RPL28: variants seen among roughly 807,000 people sequenced by gnomAD.
RPL28 encodes the protein large ribosomal subunit protein eL28.
A neutral mutation model predicts 12.5 loss-of-function variants in RPL28; 4 were observed. The observed-to-expected ratio is 0.32, with a 90% confidence interval of 0.16 to 0.73. The LOEUF (loss-of-function observed/expected upper bound fraction) is 0.73, where lower values mean the gene tolerates loss of function less well. Ranked by LOEUF, RPL28 falls within the 30% of genes least tolerant of loss-of-function variation. The probability of loss-of-function intolerance (pLI) is 0.66; values close to 1 mark genes in which losing one functional copy is unlikely to be tolerated. For synonymous variants in RPL28, 91 were observed against 72.5 expected (o/e 1.26, Z -1.30); for missense variants, 214 against 197.7 (o/e 1.08, Z -0.49).
chr19:55,385,953 G>A lies in RPL28; in HGVS notation c.-21G>A, dbSNP rs1349426634. 2.9e-5 allele frequency: 7 copies of A among 239,306 alleles called. No homozygotes were observed. Among genetic ancestry groups the A allele is most frequent in the Non-Finnish European group, 5.2e-5 (6 of 115,938 alleles). 14.8% of individuals were successfully genotyped at this position (239,306 alleles called of 1,614,324 possible). A position where few individuals can be genotyped will look rare whatever the true frequency, so the allele number is the denominator to read the frequency against. On this transcript the variant is annotated 5_prime_UTR_variant, in exon 1 of 5. Coordinates refer to ENST00000344063, the MANE Select transcript of RPL28 (RefSeq NM_000991.5). Reference sequence around the variant, plus strand: ...CTTCCTCTTTCCGTCTCAGGTCGCCGCTGCGAAGGGAGGTGAGCGTTCGTC... The same window carrying A: ...CTTCCTCTTTCCGTCTCAGGTCGCCACTGCGAAGGGAGGTGAGCGTTCGTC...
rs147316341 is a variant in RPL28, at chr19:55,402,173, G to A, written c.325-770G>A. On this transcript the variant is annotated intron_variant, in intron 4 of 4. Coordinates refer to the RPL28 transcript ENST00000560055. ...TTAGAGGCCCTCTGGTTCAACGAGT[G>A]AGGCCTGCAGCCTGGACAGAGAGAA... is the stretch of plus-strand genomic sequence containing the variant. Among the ~76,000 whole-genome samples, 8 of 152,354 alleles carry A rather than the reference G, an allele frequency of 5.3e-5. No individual in the cohort carries two copies. The East Asian group carries it at 1.5e-3, about 29-fold the overall frequency.
chr19:55,394,459 C>T (rs1438915811), downstream of RPL28, among the ~76,000 whole-genome samples: 1 of 151,890 alleles, frequency 6.6e-6, no homozygotes, highest in African/African-American at 2.4e-5. Context: ...CAAGGTCTCA[C>T]TGTGTTACCC....
At position 55,391,938 on chromosome 19, in the gene RPL28, C is replaced by T. The variant is rs2089993980; in HGVS notation, c.*3606C>T. ...CCCCGCCGTCCTGTGGGGCTGTGAG[C>T]TTTCCCAGCCTCCTGCCCGTGTTTG... On this transcript the variant is annotated 3_prime_UTR_variant, in exon 5 of 5. Transcript: ENST00000344063. 8.0e-7 allele frequency: 1 copy of T among 1,255,902 alleles called. No homozygotes were observed. Among genetic ancestry groups the T allele is most frequent in the Non-Finnish European group, 1.0e-6 (1 of 994,958 alleles). The allele number at this position is 1,255,902 out of a possible 1,614,324, so 77.8% of individuals were successfully genotyped here. A position where few individuals can be genotyped will look rare whatever the true frequency, so the allele number is the denominator to read the frequency against.
Position 55,388,298 on chromosome 19 carries a change from AGAG to A in RPL28, c.383_385del (p.Arg128del). 2 of 1,584,336 alleles carry A rather than the reference AGAG, an allele frequency of 1.3e-6. No individual in the cohort carries two copies. Among genetic ancestry groups the A allele is most frequent in the South Asian group, 2.3e-5 (2 of 87,692 alleles). ...CGCAGCCAGAAGCCTGTGATGGTGA[AGAG>A]GAAGCGGACCCGCCCCACCAAGAGC... On this transcript the variant is annotated inframe_deletion, in exon 5 of 5. Transcript: ENST00000344063.
rs895758656 is a variant in RPL28, at chr19:55,388,960, C to T, written c.*628C>T. 3.0e-6 allele frequency: 3 copies of T among 985,448 alleles called. No homozygotes were observed. The highest frequency in any genetic ancestry group is 3.5e-5 in the African/African-American group (2 of 57,336). The allele number at this position is 985,448 out of a possible 1,614,324, so 61.0% of individuals were successfully genotyped here. A position where few individuals can be genotyped will look rare whatever the true frequency, so the allele number is the denominator to read the frequency against. ...AGGCATTGAGCAGCCTTAGCATTGT[C>T]CCCCTACTCCCGTCCTCCAGGTGTC... On this transcript the variant is annotated 3_prime_UTR_variant, in exon 5 of 5. Coordinates refer to ENST00000344063, the MANE Select transcript of RPL28 (RefSeq NM_000991.5).
Position 55,386,351 on chromosome 19 carries a change from C to T in RPL28, c.-7C>T, listed in dbSNP as rs959181187. On this transcript the variant is annotated splice_region_variant and 5_prime_UTR_variant, in exon 2 of 5. Coordinates refer to ENST00000344063, the MANE Select transcript of RPL28 (RefSeq NM_000991.5). ...TTCCCTGTGCCCGTTTCCCCGCAGC[C>T]GCCGCCATGTCTGCGCATCTGCAAT... is the stretch of plus-strand genomic sequence containing the variant. 8.1e-6 allele frequency: 13 copies of T among 1,613,488 alleles called. No homozygotes were observed. Among genetic ancestry groups the T allele is most frequent in the Admixed American group, 6.7e-5 (4 of 59,964 alleles).
chr19:55,386,206 C>T (rs1263866620), intron 1 of RPL28, 144 bp from the exon 2 acceptor site: 2 of 720,722 alleles, frequency 2.8e-6, no homozygotes, highest in East Asian at 2.7e-5. Context: ...GACAAGAGTT[C>T]TAGGTCGCTG....
chr19:55,401,786 C>G, intron 4 of RPL28: 2 of 1,612,572 alleles, frequency 1.2e-6, no homozygotes, highest in Admixed American at 3.3e-5. Flanking sequence ...CTCAGGGTCA[C>G]AGTGGGTCGG....
rs887501768 is a variant in RPL28 at position 55,387,723 on chromosome 19, A to G, written c.206-207A>G. ...GACAGAATTGGGCTATGAGTGTGGCAGAAGCTGTGTCCTCAGTACTCCGTG... is the reference window on the plus strand; with the variant it reads ...GACAGAATTGGGCTATGAGTGTGGCGGAAGCTGTGTCCTCAGTACTCCGTG... On this transcript the variant is annotated intron_variant, in intron 3 of 4. Coordinates refer to ENST00000344063, the MANE Select transcript of RPL28 (RefSeq NM_000991.5). 5 of 1,424,256 alleles carry G rather than the reference A, an allele frequency of 3.5e-6. No individual in the cohort carries two copies. In the African/African-American group the frequency reaches 7.2e-5, roughly 20 times the overall value. 88.2% of individuals were successfully genotyped at this position (1,424,256 alleles called of 1,614,324 possible). A position where few individuals can be genotyped will look rare whatever the true frequency, so the allele number is the denominator to read the frequency against.
intron 3 of RPL28, chr19:55,387,594 G>A (rs1401696364): frequency 2.8e-6 from 4 of 1,406,052 alleles, no homozygotes; most frequent in Non-Finnish European, 2.8e-6. Context: ...TTCCTGGGAA[G>A]CTGTTCATAC....
chr19:55,392,170 G>T (rs201323227), downstream of RPL28: 199 of 960,878 alleles, frequency 2.1e-4, no homozygotes, highest in East Asian at 3.1e-3. Flanking sequence ...CAGAATCCCA[G>T]CCCCTAAGTT....
intron 3 of RPL28, 121 bp downstream of exon 3, chr19:55,386,814 G>A (rs2089934155): frequency 6.3e-7 from 1 of 1,598,426 alleles, no homozygotes; most frequent in Non-Finnish European, 8.5e-7. Flanking sequence ...CTGGCGCCAG[G>A]GTGTTGGTCT....
chr19:55,389,628 GCCCTTCCGA>G lies in RPL28; in HGVS notation c.*1299_*1307del, dbSNP rs2089970894. On this transcript the variant is annotated 3_prime_UTR_variant, in exon 5 of 5. Coordinates refer to ENST00000344063, the MANE Select transcript of RPL28 (RefSeq NM_000991.5). ...GCCCTGCGTTTTGAGGCAGACCACT[GCCCTTCCGA>G]CCTCAGTCCTGTCTGCTCCAGTCTT... 1 of 985,444 alleles carries G rather than the reference GCCCTTCCGA, an allele frequency of 1.0e-6. No individual in the cohort carries two copies. Among genetic ancestry groups the G allele is most frequent in the African/African-American group, 1.7e-5 (1 of 57,254 alleles). The allele number at this position is 985,444 out of a possible 1,614,324, so 61.0% of individuals were successfully genotyped here. A position where few individuals can be genotyped will look rare whatever the true frequency, so the allele number is the denominator to read the frequency against.
chr19:55,387,994 C>T lies in RPL28; in HGVS notation c.270C>T (p.Leu90=), dbSNP rs114248857. The change falls in exon 4 of 5, where the codon CTC becomes CTT. Residue 90 remains leucine (L), a synonymous_variant. Transcript: ENST00000344063. ...TTINKNARAT[L]SSIRHMIRKN... ...TCAACAAGAATGCTCGCGCCACGCTCAGCAGCATCAGACACATGATCCGCA... is the reference window on the plus strand; with the variant it reads ...TCAACAAGAATGCTCGCGCCACGCTTAGCAGCATCAGACACATGATCCGCA... 1,048 of 1,612,502 alleles carry T rather than the reference C, an allele frequency of 6.5e-4. 1 individual carries two copies. In the African/African-American group the frequency reaches 0.012, roughly 19 times the overall value.
At chr19:55,397,910 G>A (rs956088925) in intron 4 of RPL28, among the ~76,000 whole-genome samples, 10 of 152,012 alleles carry the variant, frequency 6.6e-5, no homozygotes, top group Non-Finnish European at 1.5e-4. Context: ...AAATGGGAAT[G>A]TGAGGTTGGG....
chr19:55,401,262 G>A (rs577897404), intron 4 of RPL28: 1 of 766,074 alleles, frequency 1.3e-6, no homozygotes. Context: ...CGGTCCTGGG[G>A]CATCTGTGAG....
At chr19:55,398,658 T>C (rs2090038021) in intron 4 of RPL28, among the ~76,000 whole-genome samples, 1 of 152,200 alleles carries the variant, frequency 6.6e-6, no homozygotes, top group African/African-American at 2.4e-5. Context: ...TTTTTTCTTA[T>C]TCGTTTGTAG....
chr19:55,387,539 C>T (rs2089944542), intron 3 of RPL28: 4 of 1,431,778 alleles, frequency 2.8e-6, no homozygotes, highest in Non-Finnish European at 2.7e-6. Context: ...CTGGGCCTCT[C>T]AGCCAAGCTG....
chr19:55,391,432 A>T lies in RPL28; in HGVS notation c.*3100A>T. The T allele has an allele frequency of 6.8e-6, 9 of 1,319,264 alleles. No homozygotes were observed. Among genetic ancestry groups the T allele is most frequent in the Non-Finnish European group, 8.7e-6 (9 of 1,028,744 alleles). The allele number at this position is 1,319,264 out of a possible 1,614,324, so 81.7% of individuals were successfully genotyped here. A position where few individuals can be genotyped will look rare whatever the true frequency, so the allele number is the denominator to read the frequency against. On this transcript the variant is annotated 3_prime_UTR_variant, in exon 5 of 5. Coordinates refer to ENST00000344063, the MANE Select transcript of RPL28 (RefSeq NM_000991.5). Reference sequence around the variant, plus strand: ...CTCCAGCTCTTAGTCCAGTAGCTGCATGGTGAGTGAGCGTAGGGCGCACCC... The same window carrying T: ...CTCCAGCTCTTAGTCCAGTAGCTGCTTGGTGAGTGAGCGTAGGGCGCACCC...
Sources: allele counts gnomAD v4.1 joint callset (sites outside exome capture counted in the v4.1 genomes callset), GRCh38; gene constraint gnomAD v4.1.1; transcripts MANE v1.5; gene names NCBI Gene and HGNC (gene_info 2026-07-23, HGNC 2026-07-21).